The following NAF1 variants were observed in gnomAD, a reference collection of about 807,000 sequenced individuals.
The protein encoded by NAF1 is H/ACA ribonucleoprotein complex non-core subunit NAF1.
In NAF1, 11 loss-of-function variants were observed where a neutral mutation model predicts 40.6. That is an observed-to-expected ratio of 0.27 (90% CI 0.17 to 0.45). NAF1 has a LOEUF of 0.45. Ranked by LOEUF, NAF1 falls within the 20% of genes least tolerant of loss-of-function variation. The pLI, the probability that NAF1 is intolerant of heterozygous loss-of-function variation, is 1.00. For synonymous variants in NAF1, 260 were observed against 228.5 expected, an observed-to-expected ratio of 1.14 and a Z score of -1.24; for missense variants, 607 against 611.1, an observed-to-expected ratio of 0.99 and a Z score of 0.07.
chr4:163,151,215 T>C (rs1731689186), intron 2 of NAF1, among the ~76,000 whole-genome samples: 1 of 151,858 alleles, frequency 6.6e-6, no homozygotes, highest in African/African-American at 2.4e-5. Context: ...AACTAAACAA[T>C]TTCAGTCATT....
intron 1 of NAF1, 53 bp from the exon 2 acceptor site, chr4:163,164,444 T>A (rs1732367005): frequency 1.7e-6 from 2 of 1,205,712 alleles, no homozygotes; most frequent in South Asian, 3.8e-5. Flanking sequence ...ATACTAATAT[T>A]AAAATAAGAT....
Position 163,129,276 on chromosome 4 carries a change from C to G in NAF1, c.1106G>C (p.Arg369Pro), listed in dbSNP as rs1040664045. The G allele has an allele frequency of 1.2e-6, 2 of 1,613,958 alleles. No homozygotes were observed. The highest frequency in any genetic ancestry group is 1.1e-5 in the South Asian group (1 of 91,080). ...AAATCCTCGTGTGAATTCTCTGTTA[C>G]GATATCCTTTTGCATGCTCTGAAGC... ...SSASEHAKGYRNREFTRGFSR... is the reference protein window; with the variant it reads ...SSASEHAKGYPNREFTRGFSR... The change falls in exon 8 of 8, where the codon CGT becomes CCT. Residue 369 changes from arginine (R) to proline (P), a missense_variant. Physicochemically the swap from Arg to Pro is moderately radical, Grantham distance 103. Coordinates refer to ENST00000274054, the MANE Select transcript of NAF1 (RefSeq NM_138386.3).
chr4:163,123,542 C>T (rs558346739), downstream of NAF1, among the ~76,000 whole-genome samples: 1,521 of 152,226 alleles, frequency 1.0e-2, 29 homozygotes, highest in African/African-American at 0.032. Flanking sequence ...TAACCATGCT[C>T]GGCTAATTTT....
intron 2 of NAF1, among the ~76,000 whole-genome samples, chr4:163,159,501 A>C (rs1732132375): frequency 6.6e-6 from 1 of 152,182 alleles, no homozygotes; most frequent in Non-Finnish European, 1.5e-5. Flanking sequence ...CAATATATTC[A>C]ATTGATAATT....
intron 2 of NAF1, among the ~76,000 whole-genome samples, chr4:163,116,235 G>A (rs1730333909): frequency 6.6e-6 from 1 of 152,134 alleles, no homozygotes; most frequent in South Asian, 2.1e-4. Flanking sequence ...TAACCCAGTG[G>A]TGTATACATA....
chr4:163,153,862 A>C (rs1731850444), intron 2 of NAF1, among the ~76,000 whole-genome samples: 1 of 152,146 alleles, frequency 6.6e-6, no homozygotes, highest in South Asian at 2.1e-4. Flanking sequence ...TCTTTGCAAT[A>C]AATCTTGCTA....
At chr4:163,104,909 C>T in the NAF1 span, among the ~76,000 whole-genome samples, 2 of 152,182 alleles carry the variant, frequency 1.3e-5, no homozygotes, top group Admixed American at 1.3e-4. Flanking sequence ...ACAATTTGCT[C>T]AGTGCTTTTT....
At chr4:163,128,041 A>G (rs570114945), downstream of NAF1, among the ~76,000 whole-genome samples, 43 of 152,316 alleles carry the variant, frequency 2.8e-4, no homozygotes, top group African/African-American at 1.0e-3. Flanking sequence ...GGTCTCTTCT[A>G]GTTCTAAAAC....
intron 6 of NAF1, 128 bp from the exon 7 acceptor site, chr4:163,133,384 C>T: frequency 3.3e-6 from 2 of 615,108 alleles, no homozygotes; most frequent in East Asian, 2.8e-5. Context: ...CTTTTTGATA[C>T]TTAATATTTT....
chr4:163,166,092 A>C (rs1027369832), intron 1 of NAF1, among the ~76,000 whole-genome samples: 2 of 152,200 alleles, frequency 1.3e-5, no homozygotes, highest in African/African-American at 2.4e-5. Context: ...AAGTCTAACA[A>C]AAAATGATAC....
chr4:163,139,596 G>A (rs1731178462), intron 5 of NAF1, among the ~76,000 whole-genome samples: 1 of 151,900 alleles, frequency 6.6e-6, no homozygotes, highest in South Asian at 2.1e-4. Flanking sequence ...TCAACCAATG[G>A]GAGCACAAAT....
chr4:163,125,953 T>C (rs949988101), downstream of NAF1, among the ~76,000 whole-genome samples: 2 of 152,184 alleles, frequency 1.3e-5, no homozygotes, highest in Non-Finnish European at 2.9e-5. Context: ...ATAGACTCTA[T>C]AGATAGAAAA....
In NAF1 at chr4:163,166,405, G is replaced by C. The variant is rs1233400641; in HGVS notation, c.323C>G (p.Pro108Arg). 2.5e-6 allele frequency: 4 copies of C among 1,607,318 alleles called. No homozygotes were observed. The highest frequency in any genetic ancestry group is 3.4e-6 in the Non-Finnish European group (4 of 1,176,508). Residue 108 changes from proline (P) to arginine (R), a missense_variant, in exon 1 of 8, where the codon CCG becomes CGG. By Grantham distance (103) the Pro-to-Arg change is moderately radical. Coordinates refer to ENST00000274054, the MANE Select transcript of NAF1 (RefSeq NM_138386.3). ...CGAGTCCGAGGTCTCCAAGGAGTCC[G>C]GCGCCCGCGCAGGCTCTGCGGCTCC... Reference protein sequence around the residue: ...SPGAAEPARAPDSLETSDSDS... With the variant: ...SPGAAEPARARDSLETSDSDS...
chr4:163,162,356 C>T (rs1732262790), intron 2 of NAF1, among the ~76,000 whole-genome samples: 1 of 152,200 alleles, frequency 6.6e-6, no homozygotes, highest in East Asian at 1.9e-4. Context: ...GACTGGGAAA[C>T]TCATCAATTC....
Position 163,140,619 on chromosome 4 carries a change from T to C in NAF1, c.718-236A>G, listed in dbSNP as rs552362876. On this transcript the variant is annotated intron_variant, in intron 4 of 7. Coordinates refer to ENST00000274054, the MANE Select transcript of NAF1 (RefSeq NM_138386.3). ...TTTCCCTTCTATGAATGTGAAACAA[T>C]AGTAACAAGTTTGTTCCTCACCAAA... 2.0e-5 allele frequency among the ~76,000 whole-genome samples: 3 copies of C among 152,332 alleles called. No individual in the cohort carries two copies. The East Asian group carries it at 5.8e-4, about 29-fold the overall frequency.
At chr4:163,114,540 C>T (rs529397481) in intron 2 of NAF1, among the ~76,000 whole-genome samples, 1 of 152,154 alleles carries the variant, frequency 6.6e-6, no homozygotes, top group African/African-American at 2.4e-5. Flanking sequence ...TGGATAATCA[C>T]GTGTTAAACC....
chr4:163,148,143 T>G (rs1480506129), intron 3 of NAF1, among the ~76,000 whole-genome samples, 198 bp downstream of exon 3: 1 of 152,186 alleles, frequency 6.6e-6, no homozygotes, highest in Non-Finnish European at 1.5e-5. Flanking sequence ...AAAGCAGACA[T>G]TTAAATTTCT....
At chr4:163,125,442 G>C (rs1560781197), downstream of NAF1, among the ~76,000 whole-genome samples, 1 of 152,240 alleles carries the variant, frequency 6.6e-6, no homozygotes, top group Admixed American at 6.5e-5. Context: ...CAGATATGGA[G>C]TAAGTTTAAA....
At chr4:163,154,438 G>A (rs890439619) in intron 2 of NAF1, among the ~76,000 whole-genome samples, 1 of 152,156 alleles carries the variant, frequency 6.6e-6, no homozygotes, top group African/African-American at 2.4e-5. Flanking sequence ...TATAATTCCA[G>A]GTTAAGATCC....
Sources: allele counts gnomAD v4.1 joint callset (sites outside exome capture counted in the v4.1 genomes callset), GRCh38; gene constraint gnomAD v4.1.1; transcripts MANE v1.5; gene names NCBI Gene and HGNC (gene_info 2026-07-23, HGNC 2026-07-21).